Variants in HNRNPUL2 observed in about 807,000 individuals in gnomAD.
HNRNPUL2 encodes heterogeneous nuclear ribonucleoprotein U like 2.
A neutral mutation model predicts 102.2 loss-of-function variants in HNRNPUL2; 27 were observed. The ratio of observed to expected loss-of-function variants is 0.26; its 90% CI spans 0.19 to 0.36. The LOEUF is 0.36. Among genes scored for constraint, HNRNPUL2 ranks in the 10% least tolerant of loss-of-function variants. HNRNPUL2 has a pLI of 1.00. For synonymous variants in HNRNPUL2, 458 were observed against 387.2 expected (o/e 1.18, Z -2.15); for missense variants, 936 against 981.1 (o/e 0.95, Z 0.61).
chr11:62,722,144 G>T lies in HNRNPUL2; in HGVS notation c.1332C>A (p.Val444=). 6.2e-7 allele frequency: 1 copy of T among 1,614,032 alleles called. No individual in the cohort carries two copies. Among genetic ancestry groups the T allele is most frequent in the Admixed American group, 1.7e-5 (1 of 60,012 alleles). ...CACATTCCTCTATGGTCTTGGGAGG[G>T]ACTGCAGTGCGTACACGCTCCTCAA... ...VPVEERVRTA[V]PPKTIEECEV... Residue 444 remains valine, a synonymous_variant, in exon 7 of 14, where the codon GTC becomes GTA. Transcript: ENST00000301785.
intron 10 of HNRNPUL2, among the ~76,000 whole-genome samples, chr11:62,719,386 C>T (rs193097766): frequency 6.6e-5 from 10 of 152,180 alleles, no homozygotes; most frequent in African/African-American, 2.4e-4. Flanking sequence ...AGGAGGTGGA[C>T]GTTGCAGTGA....
At chr11:62,718,035 G>A (rs2083673174) in intron 10 of HNRNPUL2, among the ~76,000 whole-genome samples, 1 of 152,130 alleles carries the variant, frequency 6.6e-6, no homozygotes, top group Non-Finnish European at 1.5e-5. Flanking sequence ...ACATTTCTCT[G>A]AGTGCCTAAG....
chr11:62,722,935 T>C, intron 4 of HNRNPUL2, 32 bp from the exon 5 acceptor site: 2 of 1,566,610 alleles, frequency 1.3e-6, no homozygotes, highest in Non-Finnish European at 1.8e-6. Flanking sequence ...CTATTAGATA[T>C]TGTGACCAAC....
intron 2 of HNRNPUL2, 36 bp downstream of exon 2, chr11:62,724,255 G>A: frequency 1.9e-6 from 3 of 1,613,030 alleles, no homozygotes; most frequent in Non-Finnish European, 2.5e-6. Flanking sequence ...AATCAGAGCA[G>A]ACACTCCCTT....
rs1200959782 is a variant in HNRNPUL2 at position 62,727,197 on chromosome 11, T to C, written c.-41A>G. 4.4e-6 allele frequency: 6 copies of C among 1,352,290 alleles called. No homozygotes were observed. The highest frequency in any genetic ancestry group is 5.7e-6 in the Non-Finnish European group (6 of 1,051,068). The allele number at this position is 1,352,290 out of a possible 1,614,324, so 83.8% of individuals were successfully genotyped here. On this transcript the variant is annotated 5_prime_UTR_variant, in exon 1 of 14. Coordinates refer to ENST00000301785, the MANE Select transcript of HNRNPUL2 (RefSeq NM_001079559.3). ...CTCCGCCTCCCGCCGCCTCCTCCCC[T>C]GCGAACCGTCGACCGAGTCCGACCG... is the stretch of plus-strand genomic sequence containing the variant.
Position 62,721,961 on chromosome 11 carries a change from G to A in HNRNPUL2, c.1360-19C>T. 1.2e-6 allele frequency: 2 copies of A among 1,611,802 alleles called. No individual in the cohort carries two copies. The highest frequency in any genetic ancestry group is 2.2e-5 in the East Asian group (1 of 44,868). On this transcript the variant is annotated intron_variant, in intron 7 of 13. Coordinates refer to ENST00000301785, the MANE Select transcript of HNRNPUL2 (RefSeq NM_001079559.3). ...GAATCACCTGCAAAAAACAGAACCAGAAATATAATGAAAAATAAATGAGGG... is the reference window on the plus strand; with the variant it reads ...GAATCACCTGCAAAAAACAGAACCAAAAATATAATGAAAAATAAATGAGGG...
At chr11:62,716,522 C>G (rs751233487) in intron 11 of HNRNPUL2, among the ~76,000 whole-genome samples, 1 of 152,156 alleles carries the variant, frequency 6.6e-6, no homozygotes, top group Non-Finnish European at 1.5e-5. Flanking sequence ...CTACTAATAG[C>G]CTAACTTGCT....
intron 10 of HNRNPUL2, among the ~76,000 whole-genome samples, chr11:62,718,070 C>T (rs1430003104): frequency 6.6e-6 from 1 of 152,100 alleles, no homozygotes; most frequent in East Asian, 1.9e-4. Flanking sequence ...TGGCATAGTT[C>T]ATTCTCAGTA....
chr11:62,727,002 C>A lies in HNRNPUL2; in HGVS notation c.155G>T (p.Gly52Val), dbSNP rs1026629645. 4 of 1,359,572 alleles carry A rather than the reference C, an allele frequency of 2.9e-6. No homozygotes were observed. The highest frequency in any genetic ancestry group is 1.5e-5 in the African/African-American group (1 of 65,694). 84.2% of individuals were successfully genotyped at this position (1,359,572 alleles called of 1,614,324 possible). A position where few individuals can be genotyped will look rare whatever the true frequency, so the allele number is the denominator to read the frequency against. The change falls in exon 1 of 14, where the codon GGG becomes GTG. Residue 52 changes from glycine (G) to valine (V), a missense_variant. By Grantham distance (109) the Gly-to-Val change is moderately radical. Transcript: ENST00000301785. Reference sequence around the variant, plus strand: ...CTCCGCCTTGCAGGCCCCGCCGGGCCCGGCCCCGCCGCCGCCGGCCTCGTC... The same window carrying A: ...CTCCGCCTTGCAGGCCCCGCCGGGCACGGCCCCGCCGCCGCCGGCCTCGTC... The part of the protein sequence containing the change: ...LEDEAGGGGA[G>V]PGGACKAEPR...
chr11:62,724,172 AT>A, intron 2 of HNRNPUL2, 118 bp downstream of exon 2: 1 of 1,351,674 alleles, frequency 7.4e-7, no homozygotes, highest in Non-Finnish European at 1.0e-6. Flanking sequence ...TCTAAAACTC[AT>A]GCCTATAAAA....
intron 4 of HNRNPUL2, among the ~76,000 whole-genome samples, chr11:62,723,125 A>C (rs2083716700): frequency 6.6e-6 from 1 of 152,202 alleles, no homozygotes; most frequent in Non-Finnish European, 1.5e-5. Context: ...CACTAATAAA[A>C]GCCTGATTGG....
chr11:62,727,236 G>T lies in HNRNPUL2; in HGVS notation c.-80C>A. ...CGAGTCCGACCGCGCAGGCGCCGCC[G>T]CCGCCGCCCGCCTCCGCCTCACGCG... On this transcript the variant is annotated 5_prime_UTR_variant, in exon 1 of 14. Coordinates refer to ENST00000301785, the MANE Select transcript of HNRNPUL2 (RefSeq NM_001079559.3). 1.5e-6 allele frequency: 2 copies of T among 1,302,466 alleles called. No homozygotes were observed. Among genetic ancestry groups the T allele is most frequent in the African/African-American group, 1.6e-5 (1 of 63,894 alleles). The allele number at this position is 1,302,466 out of a possible 1,614,324, so 80.7% of individuals were successfully genotyped here. A position where few individuals can be genotyped will look rare whatever the true frequency, so the allele number is the denominator to read the frequency against.
At position 62,722,722 on chromosome 11, in the gene HNRNPUL2, G is replaced by A. The variant is rs1022415136; in HGVS notation, c.983-9C>T. 3 of 1,611,280 alleles carry A rather than the reference G, an allele frequency of 1.9e-6. No individual in the cohort carries two copies. The highest frequency in any genetic ancestry group is 2.7e-5 in the African/African-American group (2 of 74,846). ...AGAGAATTCATCTTCACCTAGAACA[G>A]TCAACAAATTAGTTACCTACAACCG... On this transcript the variant is annotated splice_polypyrimidine_tract_variant and intron_variant, in intron 5 of 13. Coordinates refer to ENST00000301785, the MANE Select transcript of HNRNPUL2 (RefSeq NM_001079559.3).
At chr11:62,716,675 C>T (rs1565159594) in intron 11 of HNRNPUL2, among the ~76,000 whole-genome samples, 1 of 152,182 alleles carries the variant, frequency 6.6e-6, no homozygotes, top group Non-Finnish European at 1.5e-5. Context: ...AACAGTGACA[C>T]TGGGAACCCA....
intron 4 of HNRNPUL2, among the ~76,000 whole-genome samples, 196 bp from the exon 5 acceptor site, chr11:62,723,099 T>C (rs2083716560): frequency 6.6e-6 from 1 of 152,286 alleles, no homozygotes; most frequent in African/African-American, 2.4e-5. Flanking sequence ...TAAAGCACAG[T>C]GCTTTTACCT....
chr11:62,723,670 A>T lies in HNRNPUL2; in HGVS notation c.808T>A (p.Phe270Ile), dbSNP rs776724096. 6.2e-7 allele frequency: 1 copy of T among 1,614,202 alleles called. No homozygotes were observed. The highest frequency in any genetic ancestry group is 8.5e-7 in the Non-Finnish European group (1 of 1,180,034). Residue 270 changes from phenylalanine to isoleucine, a missense_variant, in exon 4 of 14, where the codon TTC (phenylalanine) becomes ATC (isoleucine). This residue lies in a region of HNRNPUL2 where 609 missense variants were observed against 713.0 expected (regional missense o/e 0.85). Coordinates refer to ENST00000301785, the MANE Select transcript of HNRNPUL2 (RefSeq NM_001079559.3). Reference protein sequence around the residue: ...SKDRYGGQPLFSEKFPTLWSG... With the variant: ...SKDRYGGQPLISEKFPTLWSG... ...CAAAGGGTGGGGAACTTCTCTGAGA[A>T]AAGTGGCTGCCCTCCATAGCGGTCT...
chr11:62,726,680 C>G lies in HNRNPUL2; in HGVS notation c.477G>C (p.Glu159Asp). 1 of 1,600,170 alleles carries G rather than the reference C, an allele frequency of 6.2e-7. No homozygotes were observed. Among genetic ancestry groups the G allele is most frequent in the East Asian group, 2.2e-5 (1 of 44,830 alleles). ...ATCCCGGCGTCTCGTCCCCGCTCCG[C>G]TCCTCGGGTTCGTCTTCCTCCCTCT... is the stretch of plus-strand genomic sequence containing the variant. ...LGKREEDEPE[E>D]RSGDETPGSE... is the part of the protein sequence containing the mutation. The change falls in exon 1 of 14, where the codon GAG (glutamate) becomes GAC (aspartate). Residue 159 changes from glutamate (E) to aspartate (D), a missense_variant. Around this residue, in one of 2 missense-constraint regions of HNRNPUL2, gnomAD observed 327 missense variants for 268.1 expected, o/e 1.22. Coordinates refer to ENST00000301785, the MANE Select transcript of HNRNPUL2 (RefSeq NM_001079559.3).
chr11:62,714,174 C>G lies in HNRNPUL2; in HGVS notation c.*1125G>C, dbSNP rs1038777777. On this transcript the variant is annotated 3_prime_UTR_variant, in exon 14 of 14. Coordinates refer to ENST00000301785, the MANE Select transcript of HNRNPUL2 (RefSeq NM_001079559.3). Reference sequence around the variant, plus strand: ...CACCCTCCCCTCTTCTATTCATTCTCTACCTGTGTATCAAAAAAACCAGCA... The same window carrying G: ...CACCCTCCCCTCTTCTATTCATTCTGTACCTGTGTATCAAAAAAACCAGCA... 5.4e-5 allele frequency: 7 copies of G among 130,362 alleles called. No individual in the cohort carries two copies. Among genetic ancestry groups the G allele is most frequent in the Admixed American group, 1.7e-4 (2 of 11,472 alleles). The allele number at this position is 130,362 out of a possible 1,614,324, so 8.1% of individuals were successfully genotyped here. A position where few individuals can be genotyped will look rare whatever the true frequency, so the allele number is the denominator to read the frequency against.
Position 62,721,431 on chromosome 11 carries a change from GTT to G in HNRNPUL2, c.1483-10_1483-9del. On this transcript the variant is annotated splice_polypyrimidine_tract_variant and intron_variant, in intron 8 of 13. Transcript: ENST00000301785. ...CTCCTCGAGACCCTTCATCTGATTA[GTT>G]TGAGAGGAAGTGAAAAAAAAAAACA... 6.6e-7 allele frequency: 1 copy of G among 1,523,872 alleles called. No individual in the cohort carries two copies. The highest frequency in any genetic ancestry group is 8.7e-7 in the Non-Finnish European group (1 of 1,143,840). The allele number at this position is 1,523,872 out of a possible 1,614,324, so 94.4% of individuals were successfully genotyped here.
Sources: allele counts gnomAD v4.1 joint callset (sites outside exome capture counted in the v4.1 genomes callset), GRCh38; gene constraint gnomAD v4.1.1; regional missense constraint gnomAD v4.1.1; transcripts MANE v1.5; gene names NCBI Gene and HGNC (gene_info 2026-07-23, HGNC 2026-07-21).